The following LIN52 variants were observed in gnomAD, a reference collection of about 807,000 sequenced individuals.
LIN52 encodes protein lin-52 homolog.
In LIN52, 4 loss-of-function variants were observed where a neutral mutation model predicts 18.5. That is an observed-to-expected ratio of 0.22 (90% CI 0.11 to 0.49). LIN52 has a LOEUF of 0.49. Ranked by LOEUF, LIN52 falls within the 20% of genes least tolerant of loss-of-function variation. The probability of loss-of-function intolerance (pLI) is 0.97; values close to 1 mark genes in which losing one functional copy is unlikely to be tolerated. For synonymous variants in LIN52, 34 were observed against 45.5 expected (o/e 0.75, Z 1.02); for missense variants, 102 against 139.5 (o/e 0.73, Z 1.35).
intron 5 of LIN52, among the ~76,000 whole-genome samples, chr14:74,102,772 G>T (rs2060866805): frequency 6.6e-6 from 1 of 152,154 alleles, no homozygotes; most frequent in Non-Finnish European, 1.5e-5. Flanking sequence ...AAATAGATTT[G>T]TCAGTAGTAT....
At chr14:74,118,384 T>C (rs999975969) in intron 5 of LIN52, among the ~76,000 whole-genome samples, 2 of 152,204 alleles carry the variant, frequency 1.3e-5, no homozygotes, top group Non-Finnish European at 2.9e-5. Context: ...TGAAGTATAA[T>C]GTATATAAAG....
At position 74,110,923 on chromosome 14, in the gene LIN52, G is replaced by A. The variant is rs553879571; in HGVS notation, c.283+9685G>A. 3.6e-3 allele frequency among the ~76,000 whole-genome samples: 550 copies of A among 150,724 alleles called. 4 individuals carry two copies. Among genetic ancestry groups the A allele is most frequent in the African/African-American group, 0.013 (515 of 40,958 alleles). On this transcript the variant is annotated intron_variant, in intron 5 of 5. Transcript: ENST00000555028. ...GGAGCTTGCAGTGAGCCGAGATCGC[G>A]CCACTGCACTCCAGCCTGGGTGACA...
chr14:74,198,146 C>T (rs1322133977), intron 5 of LIN52, among the ~76,000 whole-genome samples: 6 of 152,184 alleles, frequency 3.9e-5, no homozygotes, highest in South Asian at 2.1e-4. Flanking sequence ...TGTTACACTA[C>T]GTATGCTTTC....
intron 3 of LIN52, 46 bp from the exon 4 acceptor site, chr14:74,097,748 C>T: frequency 7.3e-7 from 1 of 1,368,766 alleles, no homozygotes. Flanking sequence ...AATAGGGTCT[C>T]CTCACACTTT....
chr14:74,140,375 T>C (rs1326141593), intron 5 of LIN52, among the ~76,000 whole-genome samples: 3 of 152,220 alleles, frequency 2.0e-5, no homozygotes, highest in Non-Finnish European at 4.4e-5. Context: ...AGTCTGTTTA[T>C]TGGATAATAT....
intron 5 of LIN52, among the ~76,000 whole-genome samples, chr14:74,106,897 T>C (rs2060900315): frequency 1.3e-5 from 2 of 152,254 alleles, no homozygotes; most frequent in South Asian, 4.1e-4. Context: ...GGCCCCGGCC[T>C]GATTTTTTGA....
At chr14:74,198,860 C>T (rs2139601831) in intron 5 of LIN52, 62 bp from the exon 6 acceptor site, 1 of 1,193,044 alleles carries the variant, frequency 8.4e-7, no homozygotes, top group South Asian at 1.2e-5. Context: ...ATTAAATCTT[C>T]CTATGATTCT....
intron 5 of LIN52, among the ~76,000 whole-genome samples, chr14:74,157,782 T>C (rs1236575573): frequency 6.6e-6 from 1 of 152,116 alleles, no homozygotes; most frequent in Admixed American, 6.6e-5. Context: ...TCTCAGGCTT[T>C]CACAAAGTGC....
At chr14:74,087,696 G>A (rs1207511667) in intron 1 of LIN52, among the ~76,000 whole-genome samples, 2 of 152,036 alleles carry the variant, frequency 1.3e-5, no homozygotes, top group Non-Finnish European at 2.9e-5. Context: ...ATTTAATTCA[G>A]ATAATATTTA....
intron 3 of LIN52, among the ~76,000 whole-genome samples, chr14:74,097,312 G>C (rs533866831): frequency 7.9e-5 from 12 of 152,140 alleles, no homozygotes; most frequent in African/African-American, 2.9e-4. Context: ...TTTTTGCAGT[G>C]ACTATTTGTA....
intron 5 of LIN52, chr14:74,192,934 G>T (rs4903200): frequency 0.6 from 92,301 of 153,404 alleles, 28,822 homozygotes; most frequent in Admixed American, 0.69. Context: ...AAAGTGTAGG[G>T]TTTTTTTTGT....
At chr14:74,171,120 A>G (rs2061268842) in intron 5 of LIN52, among the ~76,000 whole-genome samples, 2 of 151,968 alleles carry the variant, frequency 1.3e-5, no homozygotes, top group Non-Finnish European at 2.9e-5. Flanking sequence ...ATAGTGGCTC[A>G]TGCCTATAAT....
At chr14:74,173,234 C>T (rs2061279001) in intron 5 of LIN52, among the ~76,000 whole-genome samples, 1 of 152,148 alleles carries the variant, frequency 6.6e-6, no homozygotes, top group South Asian at 2.1e-4. Flanking sequence ...GTTGCCCAGG[C>T]TGGAGTGCAA....
chr14:74,123,158 G>A (rs896068606), intron 5 of LIN52, among the ~76,000 whole-genome samples: 5 of 152,124 alleles, frequency 3.3e-5, no homozygotes, highest in African/African-American at 1.2e-4. Flanking sequence ...TACATTCTTA[G>A]GTCACTTTGC....
At chr14:74,112,363 A>G (rs1243523854) in intron 5 of LIN52, among the ~76,000 whole-genome samples, 1 of 151,378 alleles carries the variant, frequency 6.6e-6, no homozygotes, top group Non-Finnish European at 1.5e-5. Context: ...GCTGGAGTGT[A>G]GCAGCACAAT....
At chr14:74,127,847 G>A (rs2061037311) in intron 5 of LIN52, among the ~76,000 whole-genome samples, 1 of 152,072 alleles carries the variant, frequency 6.6e-6, no homozygotes, top group African/African-American at 2.4e-5. Flanking sequence ...AAAGTGCTGG[G>A]ATTACAGGCA....
At chr14:74,085,077 A>G in intron 1 of LIN52, 84 bp downstream of exon 1, 5 of 1,199,248 alleles carry the variant, frequency 4.2e-6, no homozygotes, top group Non-Finnish European at 5.5e-6. Flanking sequence ...CCCCTCGAAC[A>G]TACATTTCTT....
chr14:74,175,327 C>G (rs1257076537), intron 5 of LIN52, among the ~76,000 whole-genome samples: 3 of 151,516 alleles, frequency 2.0e-5, no homozygotes, highest in Non-Finnish European at 4.4e-5. Flanking sequence ...AAACACAAGG[C>G]TGGGGCATGG....
chr14:74,106,720 A>G (rs141128842), intron 5 of LIN52, among the ~76,000 whole-genome samples: 1 of 152,258 alleles, frequency 6.6e-6, no homozygotes, highest in East Asian at 1.9e-4. Flanking sequence ...CCGTCCAAGT[A>G]GCTGAGATTA....
Sources: allele counts gnomAD v4.1 joint callset (sites outside exome capture counted in the v4.1 genomes callset), GRCh38; gene constraint gnomAD v4.1.1; transcripts MANE v1.5; gene names NCBI Gene and HGNC (gene_info 2026-07-23, HGNC 2026-07-21).